HOXC4: variants seen among roughly 807,000 people sequenced by gnomAD.
The protein encoded by HOXC4 is homeobox C4.
HOXC4 carries 15 observed loss-of-function variants against 25.5 expected under a neutral mutation model. The ratio of observed to expected loss-of-function variants is 0.59; its 90% CI spans 0.39 to 0.91. The LOEUF is 0.91. Ranked by LOEUF, HOXC4 falls within the 40% of genes least tolerant of loss-of-function variation. The probability of loss-of-function intolerance (pLI) is 0.00; values close to 1 mark genes in which losing one functional copy is unlikely to be tolerated. For synonymous variants in HOXC4, 165 were observed against 148.0 expected (o/e 1.11, Z -0.83); for missense variants, 342 against 352.4 (o/e 0.97, Z 0.24).
chr12:54,049,400 C>G (rs946676627), upstream of HOXC4, among the ~76,000 whole-genome samples: 1 of 152,056 alleles, frequency 6.6e-6, no homozygotes, highest in Non-Finnish European at 1.5e-5. Flanking sequence ...CCACTTTAAA[C>G]GAGATTTGAG....
intron 1 of HOXC4, among the ~76,000 whole-genome samples, chr12:54,018,226 T>C (rs1940252071): frequency 6.6e-6 from 1 of 152,192 alleles, no homozygotes; most frequent in East Asian, 1.9e-4. Context: ...CCTACCGGCT[T>C]TCCCTTCCGG....
chr12:54,026,946 C>CG (rs1940735797), intron 1 of HOXC4, among the ~76,000 whole-genome samples: 1 of 137,734 alleles, frequency 7.3e-6, no homozygotes, highest in Non-Finnish European at 1.6e-5. Context: ...TCCCCCCCCC[C>CG]AACCCACCCA....
chr12:54,028,589 A>G lies in HOXC4; in HGVS notation c.-124+11175A>G, dbSNP rs1332076160. 13 of 1,613,778 alleles carry G rather than the reference A, an allele frequency of 8.1e-6. No individual in the cohort carries two copies. Among genetic ancestry groups the G allele is most frequent in the African/African-American group, 1.3e-5 (1 of 74,836 alleles). ...GCCGGGGGCCAGGACGTCCTCCCCA[A>G]CGTCGCCCTCAATTCCACCGCCTAT... On this transcript the variant is annotated intron_variant, in intron 1 of 3. Transcript: ENST00000303406.
intron 1 of HOXC4, among the ~76,000 whole-genome samples, chr12:54,041,861 G>C (rs1409916570): frequency 1.3e-5 from 2 of 151,932 alleles, no homozygotes; most frequent in Non-Finnish European, 2.9e-5. Flanking sequence ...ATTTTTGGCA[G>C]AGATGAGATT....
intron 1 of HOXC4, among the ~76,000 whole-genome samples, chr12:54,037,293 C>T (rs1941201581): frequency 6.6e-6 from 1 of 152,216 alleles, no homozygotes; most frequent in South Asian, 2.1e-4. Flanking sequence ...CCCCACCAGC[C>T]AGCCTCCTAG....
intron 1 of HOXC4, chr12:54,033,506 C>G: frequency 6.3e-7 from 1 of 1,588,294 alleles, no homozygotes; most frequent in Non-Finnish European, 8.5e-7. Context: ...CAGGGCAGCC[C>G]GCCGGACTGA....
At chr12:54,031,222 C>T (rs1255109769) in intron 1 of HOXC4, among the ~76,000 whole-genome samples, 2 of 152,202 alleles carry the variant, frequency 1.3e-5, no homozygotes, top group Non-Finnish European at 2.9e-5. Flanking sequence ...CCAGGGTCTC[C>T]TCCACCCACT....
intron 1 of HOXC4, among the ~76,000 whole-genome samples, chr12:54,032,409 C>A (rs1327923802): frequency 6.6e-6 from 1 of 152,244 alleles, no homozygotes; most frequent in Non-Finnish European, 1.5e-5. Context: ...AGCCTTAGGG[C>A]CTGAGAGGCA....
intron 1 of HOXC4, chr12:54,028,949 TTAAA>T: frequency 1.3e-6 from 2 of 1,575,282 alleles, no homozygotes; most frequent in Non-Finnish European, 1.7e-6. Context: ...GAGATATAAA[TTAAA>T]TAAACTGAAC....
intron 1 of HOXC4, chr12:54,028,622 T>G (rs1940839324): frequency 2.5e-6 from 4 of 1,614,088 alleles, no homozygotes; most frequent in Admixed American, 1.7e-5. Flanking sequence ...TATGATCCAG[T>G]GAGGCATTTC....
At chr12:54,046,027 G>C (rs893655999) in intron 1 of HOXC4, among the ~76,000 whole-genome samples, 10 of 152,086 alleles carry the variant, frequency 6.6e-5, no homozygotes, top group Non-Finnish European at 1.2e-4. Flanking sequence ...GGCTGACAGG[G>C]GCTTGTATAT....
intron 1 of HOXC4, chr12:54,037,837 G>A (rs1050845474): frequency 2.0e-5 from 3 of 152,202 alleles, no homozygotes; most frequent in African/African-American, 4.8e-5. Flanking sequence ...TTATGGTGTA[G>A]GGAGAGCTGA....
At chr12:54,019,281 A>G (rs961561710) in intron 1 of HOXC4, among the ~76,000 whole-genome samples, 3 of 141,786 alleles carry the variant, frequency 2.1e-5, no homozygotes, top group South Asian at 2.2e-4. Flanking sequence ...GCTCTCCCCA[A>G]ATGGGCCCAG....
chr12:54,017,858 C>A (rs1311717777), intron 1 of HOXC4, among the ~76,000 whole-genome samples: 1 of 151,926 alleles, frequency 6.6e-6, no homozygotes, highest in Non-Finnish European at 1.5e-5. Flanking sequence ...GCAAAGTTAG[C>A]CCCCCAACCC....
intron 1 of HOXC4, chr12:54,030,045 C>T: frequency 7.8e-7 from 1 of 1,283,550 alleles, no homozygotes; most frequent in Non-Finnish European, 1.1e-6. Context: ...CTGTATTTAT[C>T]ACTGGCACAA....
chr12:54,049,712 G>T (rs1937799654), upstream of HOXC4, among the ~76,000 whole-genome samples: 1 of 147,144 alleles, frequency 6.8e-6, no homozygotes, highest in Non-Finnish European at 1.5e-5. Context: ...GCATACATTA[G>T]CCCTGGCTGC....
intron 1 of HOXC4, among the ~76,000 whole-genome samples, chr12:54,039,679 C>T (rs1941238912): frequency 6.6e-6 from 1 of 152,092 alleles, no homozygotes; most frequent in Non-Finnish European, 1.5e-5. Flanking sequence ...TGGAAACTTT[C>T]CTATCCAAGC....
At chr12:54,040,493 C>CTCTGAGGAG (rs902734022) in intron 1 of HOXC4, among the ~76,000 whole-genome samples, 57 of 152,172 alleles carry the variant, frequency 3.7e-4, no homozygotes, top group Admixed American at 9.8e-4. Context: ...CCTGAACCAA[C>CTCTGAGGAG]TCTGAGGAGT....
chr12:54,043,096 G>A (rs996778646), intron 1 of HOXC4, among the ~76,000 whole-genome samples: 2 of 152,220 alleles, frequency 1.3e-5, no homozygotes, highest in Admixed American at 6.5e-5. Flanking sequence ...AATTGGACTC[G>A]GTTATGCAGG....
Sources: allele counts gnomAD v4.1 joint callset (sites outside exome capture counted in the v4.1 genomes callset), GRCh38; gene constraint gnomAD v4.1.1; transcripts MANE v1.5; gene names NCBI Gene and HGNC (gene_info 2026-07-23, HGNC 2026-07-21).